The following PDE4B variants were observed in gnomAD, a reference collection of about 807,000 sequenced individuals.
PDE4B encodes the protein phosphodiesterase 4B, also known as 3',5'-cyclic-AMP phosphodiesterase 4B.
A neutral mutation model predicts 82.2 loss-of-function variants in PDE4B; 20 were observed. The ratio of observed to expected loss-of-function variants is 0.24; its 90% CI spans 0.17 to 0.35. PDE4B has a LOEUF of 0.35. Ranked by LOEUF, PDE4B falls within the 10% of genes least tolerant of loss-of-function variation. The pLI is 1.00. For missense variants in PDE4B, 655 were observed against 907.2 expected (o/e 0.72, Z 3.57); for synonymous variants, 320 against 318.9 (o/e 1.00, Z -0.04).
chr1:66,104,466 G>A (rs1215138456), intron 3 of PDE4B, among the ~76,000 whole-genome samples: 2 of 142,058 alleles, frequency 1.4e-5, no homozygotes, highest in South Asian at 4.9e-4. Flanking sequence ...TAATGGGATG[G>A]CTGGGTCAAA....
At chr1:65,986,767 C>T (rs957117109) in intron 3 of PDE4B, among the ~76,000 whole-genome samples, 3 of 152,122 alleles carry the variant, frequency 2.0e-5, no homozygotes, top group East Asian at 3.9e-4. Context: ...ATAACAAAGT[C>T]GTTAAGTAAT....
intron 1 of PDE4B, among the ~76,000 whole-genome samples, chr1:65,879,202 C>T (rs986119676): frequency 2.0e-5 from 3 of 152,090 alleles, no homozygotes; most frequent in African/African-American, 7.2e-5. Flanking sequence ...TCCTCCCAGG[C>T]CATAAAATAC....
At chr1:65,882,939 A>G (rs2100348328) in intron 1 of PDE4B, among the ~76,000 whole-genome samples, 2 of 152,328 alleles carry the variant, frequency 1.3e-5, no homozygotes, top group Admixed American at 1.3e-4. Context: ...AAAGTGGAAG[A>G]AGCACTGAAC....
chr1:66,338,718 A>G (rs1660710459), intron 8 of PDE4B, among the ~76,000 whole-genome samples: 1 of 151,468 alleles, frequency 6.6e-6, no homozygotes, highest in African/African-American at 2.4e-5. Context: ...AAAAAGGGAA[A>G]TAGAGATAAG....
chr1:65,930,326 C>T (rs758305421), intron 3 of PDE4B, among the ~76,000 whole-genome samples: 2 of 152,228 alleles, frequency 1.3e-5, no homozygotes, highest in Non-Finnish European at 2.9e-5. Flanking sequence ...AGGATCAATA[C>T]TTTGCATCCT....
At chr1:66,041,025 G>T (rs1184712922) in intron 3 of PDE4B, among the ~76,000 whole-genome samples, 3 of 151,964 alleles carry the variant, frequency 2.0e-5, no homozygotes, top group Non-Finnish European at 4.4e-5. Context: ...ATTGGAAGTG[G>T]ATAGCAGCTG....
At chr1:65,944,221 C>T (rs1648586468) in intron 3 of PDE4B, among the ~76,000 whole-genome samples, 1 of 151,518 alleles carries the variant, frequency 6.6e-6, no homozygotes, top group South Asian at 2.1e-4. Flanking sequence ...TTGTCAGTTG[C>T]TTTTTCTGTA....
At chr1:65,909,860 G>A (rs1016928349) in intron 1 of PDE4B, among the ~76,000 whole-genome samples, 3 of 151,998 alleles carry the variant, frequency 2.0e-5, no homozygotes, top group African/African-American at 7.2e-5. Context: ...TTGTCCTTAC[G>A]CTAGTAGGGA....
intron 3 of PDE4B, among the ~76,000 whole-genome samples, chr1:65,956,468 T>C (rs970890702): frequency 1.1e-4 from 16 of 152,098 alleles, no homozygotes; most frequent in African/African-American, 3.9e-4. Flanking sequence ...CACACATACA[T>C]ACACACACAT....
intron 3 of PDE4B, among the ~76,000 whole-genome samples, chr1:66,154,637 A>G (rs1386509216): frequency 6.6e-6 from 1 of 152,196 alleles, no homozygotes; most frequent in Non-Finnish European, 1.5e-5. Flanking sequence ...GGGTTTTTCC[A>G]GAAGCATTTT....
intron 8 of PDE4B, among the ~76,000 whole-genome samples, chr1:66,339,887 C>T (rs1453422223): frequency 4.7e-5 from 7 of 149,114 alleles, no homozygotes; most frequent in African/African-American, 1.7e-4. Flanking sequence ...GTCTAAAAGG[C>T]TCCTAGGTTG....
intron 3 of PDE4B, among the ~76,000 whole-genome samples, chr1:66,167,702 T>C (rs1415542620): frequency 6.6e-6 from 1 of 152,222 alleles, no homozygotes; most frequent in Non-Finnish European, 1.5e-5. Flanking sequence ...GAAAATAGGT[T>C]ACTTCCTTTC....
At chr1:65,909,880 C>T (rs144201098) in intron 1 of PDE4B, among the ~76,000 whole-genome samples, 82 of 152,184 alleles carry the variant, frequency 5.4e-4, no homozygotes, top group Non-Finnish European at 1.1e-3. Context: ...AGCATGGCTC[C>T]AGGAAACTGA....
intron 1 of PDE4B, among the ~76,000 whole-genome samples, chr1:65,885,435 A>G (rs1442040945): frequency 6.6e-6 from 1 of 152,208 alleles, no homozygotes; most frequent in African/African-American, 2.4e-5. Context: ...AGCACTATTC[A>G]CAATAGTAAA....
chr1:65,992,714 C>G, intron 3 of PDE4B: 1 of 1,342,364 alleles, frequency 7.4e-7, no homozygotes, highest in Non-Finnish European at 9.5e-7. Flanking sequence ...GATAAAGCTC[C>G]TTGTGACAGC....
At chr1:65,869,703 T>A (rs1479872634) in intron 1 of PDE4B, among the ~76,000 whole-genome samples, 1 of 152,116 alleles carries the variant, frequency 6.6e-6, no homozygotes, top group Non-Finnish European at 1.5e-5. Context: ...CCCCTTATAA[T>A]CTGTGAGGTG....
At chr1:65,800,246 C>T (rs1355216307) in intron 1 of PDE4B, among the ~76,000 whole-genome samples, 1 of 152,190 alleles carries the variant, frequency 6.6e-6, no homozygotes, top group Non-Finnish European at 1.5e-5. Flanking sequence ...TTAAAGGAAG[C>T]TCCTATATAC....
chr1:66,054,022 C>G (rs1408066525), intron 3 of PDE4B, among the ~76,000 whole-genome samples: 13 of 151,980 alleles, frequency 8.6e-5, no homozygotes. Flanking sequence ...GGCCTAAATC[C>G]AGGTTGTGTG....
At chr1:66,104,116 G>A (rs1645285360) in intron 3 of PDE4B, among the ~76,000 whole-genome samples, 1 of 122,480 alleles carries the variant, frequency 8.2e-6, no homozygotes, top group Admixed American at 1.1e-4. Flanking sequence ...AGTCCCCAGA[G>A]TGTGATGTTC....
Sources: gnomAD v4.1 joint callset for allele counts (sites outside exome capture counted in the v4.1 genomes callset) on GRCh38, gnomAD v4.1.1 for gene constraint, MANE v1.5 for transcripts, NCBI Gene and HGNC (gene_info 2026-07-23, HGNC 2026-07-21) for gene names.